Variants in SYT1 observed in about 807,000 individuals in gnomAD.
The protein encoded by SYT1 is synaptotagmin-1.
In SYT1, 8 loss-of-function variants were observed where a neutral mutation model predicts 44.8. The observed-to-expected ratio is 0.18, with a 90% CI of 0.10 to 0.32. The LOEUF is 0.32. Ranked by LOEUF, SYT1 falls within the 10% of genes least tolerant of loss-of-function variation. SYT1 has a pLI of 1.00. For missense variants in SYT1, 286 were observed against 509.3 expected (o/e 0.56, Z 4.22); for synonymous variants, 154 against 188.8 (o/e 0.82, Z 1.51).
intron 9 of SYT1, among the ~76,000 whole-genome samples, chr12:79,356,827 G>A (rs891246403): frequency 5.3e-5 from 8 of 152,118 alleles, no homozygotes; most frequent in African/African-American, 1.9e-4. Context: ...ACAGGGCCTG[G>A]CACAACTAAG....
intron 1 of SYT1, among the ~76,000 whole-genome samples, chr12:78,893,399 G>C (rs1448468562): frequency 2.0e-5 from 3 of 151,598 alleles, no homozygotes; most frequent in South Asian, 2.1e-4. Context: ...TCCAAAATTT[G>C]AATCAATGTT....
chr12:78,930,569 G>A (rs1201014469), intron 1 of SYT1, among the ~76,000 whole-genome samples: 1 of 151,822 alleles, frequency 6.6e-6, no homozygotes, highest in Non-Finnish European at 1.5e-5. Context: ...CATTCAATTT[G>A]GAAAGGATGA....
chr12:79,448,825 C>CTAT lies in SYT1; in HGVS notation c.1063-91_1063-89dup, dbSNP rs1038941458. The CTAT allele has an allele frequency of 8.1e-6, 9 of 1,115,622 alleles. No homozygotes were observed. The African/African-American group carries it at 1.4e-4, about 17-fold the overall frequency. 69.1% of individuals were successfully genotyped at this position (1,115,622 alleles called of 1,614,324 possible). On this transcript the variant is annotated intron_variant, in intron 10 of 10. Coordinates refer to ENST00000261205, the MANE Select transcript of SYT1 (RefSeq NM_005639.3). The stretch of plus-strand genomic sequence containing the variant: ...TCCTAGTGCTTGGAGATTGATTCTT[C>CTAT]TATTTCCAATTCTTTAGCGCTCAAG...
At chr12:79,017,776 C>T (rs926778783) in intron 2 of SYT1, among the ~76,000 whole-genome samples, 5 of 151,998 alleles carry the variant, frequency 3.3e-5, no homozygotes, top group Admixed American at 2.6e-4. Flanking sequence ...TTAGATTGTA[C>T]TTTGATAAAA....
intron 3 of SYT1, among the ~76,000 whole-genome samples, chr12:79,138,544 C>T (rs1403003102): frequency 6.6e-6 from 1 of 152,242 alleles, no homozygotes; most frequent in Non-Finnish European, 1.5e-5. Context: ...CCCGTCAGCT[C>T]TGCAACTTTG....
At chr12:79,307,918 G>A (rs1247196170) in intron 8 of SYT1, among the ~76,000 whole-genome samples, 4 of 152,212 alleles carry the variant, frequency 2.6e-5, no homozygotes, top group African/African-American at 9.6e-5. Flanking sequence ...ATTGATGCCT[G>A]TTGGGGATGA....
At chr12:79,206,270 C>T (rs1462725726) in intron 3 of SYT1, among the ~76,000 whole-genome samples, 2 of 152,024 alleles carry the variant, frequency 1.3e-5, no homozygotes, top group African/African-American at 4.8e-5. Context: ...TTTACTGTTG[C>T]CTCCAAAATC....
chr12:79,283,355 C>T (rs957627499), intron 4 of SYT1, among the ~76,000 whole-genome samples: 1 of 152,120 alleles, frequency 6.6e-6, no homozygotes, highest in Non-Finnish European at 1.5e-5. Flanking sequence ...TTATAAATTA[C>T]TTTCAAGTTG....
chr12:79,098,831 T>C (rs1487369590), intron 3 of SYT1, among the ~76,000 whole-genome samples: 3 of 152,138 alleles, frequency 2.0e-5, no homozygotes, highest in African/African-American at 7.2e-5. Context: ...TAACATGATC[T>C]GAAAATTTTT....
intron 1 of SYT1, among the ~76,000 whole-genome samples, chr12:78,942,433 T>C (rs896053272): frequency 1.3e-5 from 2 of 152,134 alleles, no homozygotes; most frequent in Non-Finnish European, 2.9e-5. Flanking sequence ...TCTCATGGCC[T>C]CTCTCCATCT....
At chr12:79,043,863 T>G (rs966111011) in intron 2 of SYT1, among the ~76,000 whole-genome samples, 3 of 152,180 alleles carry the variant, frequency 2.0e-5, no homozygotes, top group Non-Finnish European at 2.9e-5. Context: ...CTGTAAAGTA[T>G]TTTATTTCTC....
chr12:79,383,772 T>C (rs1247803841), intron 9 of SYT1, among the ~76,000 whole-genome samples: 2 of 152,190 alleles, frequency 1.3e-5, no homozygotes, highest in African/African-American at 2.4e-5. Flanking sequence ...AATGTTCACA[T>C]TGCATTTCAG....
At chr12:79,044,518 A>G (rs1592694743) in intron 2 of SYT1, among the ~76,000 whole-genome samples, 1 of 141,078 alleles carries the variant, frequency 7.1e-6, no homozygotes, top group Non-Finnish European at 1.5e-5. Context: ...TATTCTAGTT[A>G]TACATTCTTC....
At chr12:79,027,948 T>G (rs1592677272) in intron 2 of SYT1, among the ~76,000 whole-genome samples, 1 of 151,676 alleles carries the variant, frequency 6.6e-6, no homozygotes, top group South Asian at 2.1e-4. Flanking sequence ...TCCCACCTTG[T>G]GTGCATTTGA....
At chr12:78,931,165 GAAAGAAAGAAAGAAA>G (rs1565723032) in intron 1 of SYT1, among the ~76,000 whole-genome samples, 7 of 123,744 alleles carry the variant, frequency 5.7e-5, no homozygotes, top group African/African-American at 2.1e-4. Flanking sequence ...TCTGTGGAAA[GAAAGAAAGAAAGAAA>G]AAGAAAGAAA....
chr12:79,338,909 A>T, intron 8 of SYT1, among the ~76,000 whole-genome samples: 1 of 151,996 alleles, frequency 6.6e-6, no homozygotes, highest in East Asian at 1.9e-4. Context: ...ATGAGTGAGA[A>T]CATGCAGTGT....
At chr12:79,321,981 G>C (rs1881383029) in intron 8 of SYT1, among the ~76,000 whole-genome samples, 1 of 152,166 alleles carries the variant, frequency 6.6e-6, no homozygotes, top group South Asian at 2.1e-4. Flanking sequence ...CAGAGGCTGG[G>C]AACGTAACAG....
intron 1 of SYT1, among the ~76,000 whole-genome samples, chr12:78,884,861 A>C (rs1034276212): frequency 6.6e-6 from 1 of 151,880 alleles, no homozygotes; most frequent in Non-Finnish European, 1.5e-5. Flanking sequence ...AGTGTTTATA[A>C]AATTTGGCAA....
chr12:79,158,688 A>G (rs930216622), intron 3 of SYT1, among the ~76,000 whole-genome samples: 14 of 152,130 alleles, frequency 9.2e-5, no homozygotes, highest in African/African-American at 3.4e-4. Context: ...GCTTGAGCTC[A>G]GGAGTTCAAG....
Sources: allele counts gnomAD v4.1 joint callset (sites outside exome capture counted in the v4.1 genomes callset), GRCh38; gene constraint gnomAD v4.1.1; transcripts MANE v1.5; gene names NCBI Gene and HGNC (gene_info 2026-07-23, HGNC 2026-07-21).